Variants in SPTLC3 observed in about 807,000 individuals in gnomAD.
SPTLC3 encodes serine palmitoyltransferase 3.
In SPTLC3, 36 loss-of-function variants were observed where a neutral mutation model predicts 59.3. The observed-to-expected ratio is 0.61, with a 90% CI of 0.47 to 0.80. The LOEUF is 0.80. Ranked by LOEUF, SPTLC3 falls within the 30% of genes least tolerant of loss-of-function variation. The probability of loss-of-function intolerance (pLI) is 0.00; values close to 1 mark genes in which losing one functional copy is unlikely to be tolerated. For missense variants in SPTLC3, 625 were observed against 685.1 expected, an observed-to-expected ratio of 0.91 and a Z score of 0.98; for synonymous variants, 257 against 240.8, an observed-to-expected ratio of 1.07 and a Z score of -0.62.
At chr20:13,100,702 A>G (rs561769629) in intron 6 of SPTLC3, among the ~76,000 whole-genome samples, 62 of 152,376 alleles carry the variant, frequency 4.1e-4, no homozygotes, top group African/African-American at 1.3e-3. Flanking sequence ...TTTCACTGGT[A>G]TTAAGTTCTT....
Position 13,168,682 on chromosome 20 carries a change from C to T in SPTLC3, c.*3815C>T, listed in dbSNP as rs1034848104. 3.9e-5 allele frequency: 6 copies of T among 152,116 alleles called. No individual in the cohort carries two copies. The highest frequency in any genetic ancestry group is 2.1e-4 in the South Asian group (1 of 4,816). The allele number at this position is 152,116 out of a possible 1,614,324, so 9.4% of individuals were successfully genotyped here. On this transcript the variant is annotated 3_prime_UTR_variant, in exon 12 of 12. Coordinates refer to ENST00000399002, the MANE Select transcript of SPTLC3 (RefSeq NM_018327.4). ...TACTCTGATTTAAAAACCTAAGTTC[C>T]GATGATGATGAAACATTAACTCTTA...
intron 4 of SPTLC3, among the ~76,000 whole-genome samples, chr20:13,080,271 A>G (rs1988793433): frequency 1.3e-5 from 2 of 152,078 alleles, no homozygotes; most frequent in South Asian, 4.2e-4. Context: ...ACACTTTGGG[A>G]GGCCTAGGCA....
chr20:13,050,115 G>A (rs1038346396), intron 2 of SPTLC3: 3 of 152,290 alleles, frequency 2.0e-5, no homozygotes, highest in African/African-American at 7.2e-5. Context: ...AAAGAATTCA[G>A]GAGGTTATTA....
chr20:13,023,381 G>A (rs1985989205), intron 1 of SPTLC3, among the ~76,000 whole-genome samples: 1 of 151,990 alleles, frequency 6.6e-6, no homozygotes, highest in African/African-American at 2.4e-5. Flanking sequence ...AGACTGTGAG[G>A]TCCACCTGGG....
At chr20:13,160,951 C>CATAT (rs1342119281) in intron 11 of SPTLC3, among the ~76,000 whole-genome samples, 1 of 152,108 alleles carries the variant, frequency 6.6e-6, no homozygotes, top group Non-Finnish European at 1.5e-5. Flanking sequence ...TTCAAGACTT[C>CATAT]CAATCAGTGG....
chr20:13,010,955 T>C (rs924808832), intron 1 of SPTLC3, among the ~76,000 whole-genome samples: 1 of 152,182 alleles, frequency 6.6e-6, no homozygotes, highest in Non-Finnish European at 1.5e-5. Flanking sequence ...GCTGCAAGAC[T>C]GTAAATATCC....
intron 1 of SPTLC3, among the ~76,000 whole-genome samples, chr20:13,023,644 C>T (rs1171909504): frequency 6.6e-6 from 1 of 152,112 alleles, no homozygotes; most frequent in African/African-American, 2.4e-5. Flanking sequence ...GTTTCTTAAG[C>T]TTTGTTGGAC....
rs140384041 is a variant in SPTLC3, at chr20:13,080,238, G to A, written c.607+5741G>A. The stretch of plus-strand genomic sequence containing the variant: ...AAACAGGCAAAACTTGGCCAGGTGC[G>A]GTGACTCATGCCTGTAATCCAGACA... On this transcript the variant is annotated intron_variant, in intron 4 of 11. Transcript: ENST00000399002. Among the ~76,000 whole-genome samples, 704 of 152,058 alleles carry A rather than the reference G, an allele frequency of 4.6e-3. 4 individuals are homozygous for A. The highest frequency in any genetic ancestry group is 0.015 in the African/African-American group (626 of 41,486).
intron 1 of SPTLC3, among the ~76,000 whole-genome samples, chr20:13,027,122 C>T (rs1568568766): frequency 6.6e-6 from 1 of 152,196 alleles, no homozygotes; most frequent in Non-Finnish European, 1.5e-5. Context: ...CTCATCTCTC[C>T]TCCTCTAACA....
rs1281482596 is a variant in SPTLC3, at chr20:13,146,378, C to T, written c.1280-7625C>T. 7.2e-5 allele frequency among the ~76,000 whole-genome samples: 11 copies of T among 152,102 alleles called. 1 individual carries two copies. Among genetic ancestry groups the T allele is most frequent in the Admixed American group, 6.5e-4 (10 of 15,272 alleles). ...ATATGTACAACAAACCCCCACGACA[C>T]GTGTTTACCTATGTAACAAATCTTC... On this transcript the variant is annotated intron_variant, in intron 9 of 11. Transcript: ENST00000399002.
At chr20:13,071,220 G>A (rs1462459652) in intron 2 of SPTLC3, among the ~76,000 whole-genome samples, 5 of 152,068 alleles carry the variant, frequency 3.3e-5, no homozygotes, top group East Asian at 1.9e-4. Flanking sequence ...TATTATTTTC[G>A]CATTACTCCA....
At chr20:13,152,221 G>C (rs1400970153) in intron 9 of SPTLC3, among the ~76,000 whole-genome samples, 2 of 152,146 alleles carry the variant, frequency 1.3e-5, no homozygotes, top group African/African-American at 4.8e-5. Flanking sequence ...TAGGATTACA[G>C]TTCTTACACT....
rs183392434 is a variant in SPTLC3 at position 13,141,788 on chromosome 20, G to A, written c.1280-12215G>A. Among the ~76,000 whole-genome samples the A allele has an allele frequency of 2.3e-4, 35 of 152,328 alleles. No homozygotes were observed. In the East Asian group the frequency reaches 6.6e-3, roughly 29 times the overall value. On this transcript the variant is annotated intron_variant, in intron 9 of 11. Coordinates refer to ENST00000399002, the MANE Select transcript of SPTLC3 (RefSeq NM_018327.4). ...TAGGTAATACAAAACAGATGTTGGT[G>A]CTATGCTCCACTGGCTTTCAACTGA...
intron 10 of SPTLC3, among the ~76,000 whole-genome samples, chr20:13,157,536 A>G (rs1329089962): frequency 6.6e-6 from 1 of 152,160 alleles, no homozygotes; most frequent in Non-Finnish European, 1.5e-5. Flanking sequence ...AGCTCTTTTG[A>G]ACACACAGCA....
chr20:13,141,952 T>C (rs924951628), intron 9 of SPTLC3, among the ~76,000 whole-genome samples: 1 of 152,178 alleles, frequency 6.6e-6, no homozygotes, highest in African/African-American at 2.4e-5. Context: ...CTGTTGCTGC[T>C]TACCTACATG....
chr20:13,042,758 C>T (rs1275514138), intron 1 of SPTLC3, among the ~76,000 whole-genome samples: 1 of 152,206 alleles, frequency 6.6e-6, no homozygotes, highest in Non-Finnish European at 1.5e-5. Flanking sequence ...GAGAATAGGT[C>T]ATGGCTCAAT....
At chr20:13,147,063 G>T (rs1193606272) in intron 9 of SPTLC3, among the ~76,000 whole-genome samples, 1 of 152,164 alleles carries the variant, frequency 6.6e-6, no homozygotes, top group Non-Finnish European at 1.5e-5. Context: ...GTGGGAGGTG[G>T]AGGCAGGGTG....
chr20:13,100,342 T>C (rs146195259), intron 6 of SPTLC3, among the ~76,000 whole-genome samples: 14 of 152,254 alleles, frequency 9.2e-5, no homozygotes, highest in African/African-American at 3.4e-4. Flanking sequence ...GAAGGAAAGT[T>C]CTGCAAGGGA....
chr20:13,154,798 T>G (rs548520571), intron 10 of SPTLC3, among the ~76,000 whole-genome samples: 1 of 152,330 alleles, frequency 6.6e-6, no homozygotes, highest in African/African-American at 2.4e-5. Flanking sequence ...ACATGACTTT[T>G]TGTCAGTTTG....
Sources: allele counts gnomAD v4.1 joint callset (sites outside exome capture counted in the v4.1 genomes callset), GRCh38; gene constraint gnomAD v4.1.1; transcripts MANE v1.5; gene names NCBI Gene and HGNC (gene_info 2026-07-23, HGNC 2026-07-21).